The following SNTG2 variants were observed in gnomAD, a reference collection of about 807,000 sequenced individuals.
The protein encoded by SNTG2 is gamma-2-syntrophin.
Under a neutral mutation model 70.9 loss-of-function variants are expected in SNTG2, and 74 were observed. That is an observed-to-expected ratio of 1.04 (90% confidence interval 0.86 to 1.27). SNTG2 has a LOEUF of 1.27. Ranked by LOEUF, SNTG2 falls within the 50% of genes most tolerant of loss-of-function variation. The pLI is 0.00. For missense variants in SNTG2, 717 were observed against 690.7 expected (o/e 1.04, Z -0.43); for synonymous variants, 278 against 273.8 (o/e 1.02, Z -0.15).
At chr2:1,155,152 TACAC>T (rs531802863) in intron 6 of SNTG2, among the ~76,000 whole-genome samples, 16 of 110,990 alleles carry the variant, frequency 1.4e-4, no homozygotes, top group African/African-American at 4.0e-4. Context: ...ACACACTCCA[TACAC>T]ACACACACGT....
chr2:1,204,142 G>C (rs1446641999), intron 8 of SNTG2, among the ~76,000 whole-genome samples: 4 of 152,172 alleles, frequency 2.6e-5, no homozygotes, highest in African/African-American at 9.7e-5. Context: ...GGGATTGCCT[G>C]CAAACGGGCA....
intron 16 of SNTG2, among the ~76,000 whole-genome samples, chr2:1,323,514 G>A (rs1276888205): frequency 7.2e-5 from 8 of 110,572 alleles, no homozygotes; most frequent in Non-Finnish European, 1.4e-4. Context: ...GAGACCCCCT[G>A]TAGGCTGGGA....
chr2:1,347,007 T>TA (rs544637004), intron 16 of SNTG2, among the ~76,000 whole-genome samples: 83 of 149,436 alleles, frequency 5.6e-4, no homozygotes, highest in Admixed American at 1.5e-3. Context: ...ACAGATTAAT[T>TA]AAAAAAAAAA....
chr2:1,164,223 G>A (rs1369826197), intron 6 of SNTG2, among the ~76,000 whole-genome samples: 1 of 151,256 alleles, frequency 6.6e-6, no homozygotes, highest in Non-Finnish European at 1.5e-5. Context: ...AGAGTGCGAG[G>A]TGGGATATGC....
At chr2:1,352,855 T>C (rs368562877) in intron 16 of SNTG2, among the ~76,000 whole-genome samples, 2 of 152,210 alleles carry the variant, frequency 1.3e-5, no homozygotes, top group African/African-American at 4.8e-5. Context: ...AGGCTAAGGA[T>C]GCCTTATTAA....
At chr2:1,219,193 G>T (rs1674591186) in intron 9 of SNTG2, among the ~76,000 whole-genome samples, 1 of 152,106 alleles carries the variant, frequency 6.6e-6, no homozygotes, top group African/African-American at 2.4e-5. Flanking sequence ...CTCCTGCTAT[G>T]CCCATGTCAA....
chr2:1,104,139 C>T (rs13389450), intron 4 of SNTG2, among the ~76,000 whole-genome samples: 3,512 of 152,272 alleles, frequency 0.023, 64 homozygotes, highest in East Asian at 0.092. Flanking sequence ...ATGGCAGAGC[C>T]GGGGAGTGAC....
chr2:1,265,969 G>A (rs188381991), intron 13 of SNTG2, among the ~76,000 whole-genome samples: 1 of 152,314 alleles, frequency 6.6e-6, no homozygotes, highest in Admixed American at 6.5e-5. Flanking sequence ...CCAGGAAGGT[G>A]TCTGGTGGGG....
intron 14 of SNTG2, among the ~76,000 whole-genome samples, chr2:1,298,564 G>A (rs1429963358): frequency 6.6e-6 from 1 of 152,154 alleles, no homozygotes; most frequent in Non-Finnish European, 1.5e-5. Context: ...GTCCTGGATG[G>A]TGCCCCTGGG....
At chr2:1,253,314 A>G (rs1039102369) in intron 12 of SNTG2, among the ~76,000 whole-genome samples, 2 of 151,102 alleles carry the variant, frequency 1.3e-5, no homozygotes, top group African/African-American at 4.9e-5. Flanking sequence ...CTTCCATCAC[A>G]CTTTGGAATA....
chr2:1,133,899 T>G (rs1331115750), intron 4 of SNTG2, among the ~76,000 whole-genome samples: 1 of 150,610 alleles, frequency 6.6e-6, no homozygotes. Context: ...ACTTCAAGAA[T>G]GAAGCCGCGG....
chr2:1,197,523 G>GTATA (rs1553353460), intron 8 of SNTG2, among the ~76,000 whole-genome samples: 1 of 97,604 alleles, frequency 1.0e-5, no homozygotes, highest in Non-Finnish European at 2.2e-5. Flanking sequence ...ATATGTGTGT[G>GTATA]TGTGTGTGTG....
chr2:1,266,429 C>T (rs968024869), intron 13 of SNTG2, among the ~76,000 whole-genome samples: 18 of 152,208 alleles, frequency 1.2e-4, no homozygotes, highest in African/African-American at 3.6e-4. Context: ...GATTAATAGA[C>T]GTGCTGTAAG....
chr2:1,226,825 T>C (rs1446563592), intron 9 of SNTG2, among the ~76,000 whole-genome samples: 1 of 148,496 alleles, frequency 6.7e-6, no homozygotes, highest in East Asian at 1.9e-4. Context: ...ACAATAAATC[T>C]ATCTCTGTTT....
In SNTG2 at chr2:1,156,171, C is replaced by A. The variant is rs75170807; in HGVS notation, c.412-9377C>A. Reference sequence around the variant, plus strand: ...AAGGGTTTCATGGTAGAAGGGTTCCCTGGCAAGGACTACTCTGAAGGGAAG... The same window carrying A: ...AAGGGTTTCATGGTAGAAGGGTTCCATGGCAAGGACTACTCTGAAGGGAAG... On this transcript the variant is annotated intron_variant, in intron 6 of 16. Transcript: ENST00000308624. Among the ~76,000 whole-genome samples, 168 of 152,282 alleles carry A rather than the reference C, an allele frequency of 1.1e-3. 1 individual carries two copies. Among genetic ancestry groups the A allele is most frequent in the African/African-American group, 3.9e-3 (161 of 41,552 alleles).
chr2:1,011,583 A>G (rs1463011535), intron 1 of SNTG2, among the ~76,000 whole-genome samples: 2 of 152,152 alleles, frequency 1.3e-5, no homozygotes, highest in Non-Finnish European at 2.9e-5. Flanking sequence ...GAGCAGCATA[A>G]AAAACTGTGA....
chr2:1,149,854 A>AT (rs1186504057), intron 6 of SNTG2, among the ~76,000 whole-genome samples: 5 of 148,052 alleles, frequency 3.4e-5, no homozygotes, highest in East Asian at 4.4e-4. Flanking sequence ...CGCCTGGCTA[A>AT]TTTTTTTGTA....
chr2:1,135,038 A>G (rs751359500), intron 4 of SNTG2, among the ~76,000 whole-genome samples: 3 of 152,144 alleles, frequency 2.0e-5, no homozygotes, highest in Non-Finnish European at 4.4e-5. Flanking sequence ...AGGCCCTGCA[A>G]AAAAGTCTGG....
chr2:1,121,268 A>G (rs1667357223), intron 4 of SNTG2, among the ~76,000 whole-genome samples: 1 of 152,162 alleles, frequency 6.6e-6, no homozygotes. Flanking sequence ...AGTTGTGAGA[A>G]GGAAATTGAT....
Sources: allele counts gnomAD v4.1 joint callset (sites outside exome capture counted in the v4.1 genomes callset), GRCh38; gene constraint gnomAD v4.1.1; transcripts MANE v1.5; gene names NCBI Gene and HGNC (gene_info 2026-07-23, HGNC 2026-07-21).